RADIL: variants seen among roughly 807,000 people sequenced by gnomAD.
The protein encoded by RADIL is Rap associating with DIL domain.
A neutral mutation model predicts 97.6 loss-of-function variants in RADIL; 99 were observed. The ratio of observed to expected loss-of-function variants is 1.01; its 90% CI spans 0.86 to 1.20. RADIL has a LOEUF of 1.20. Among genes scored for constraint, RADIL ranks in the 50% most tolerant of loss-of-function variants. The probability of loss-of-function intolerance (pLI) is 0.00; values close to 1 mark genes in which losing one functional copy is unlikely to be tolerated. For synonymous variants in RADIL, 803 were observed against 691.8 expected (o/e 1.16, Z -2.52); for missense variants, 1,765 against 1,498.9 (o/e 1.18, Z -2.93).
intron 5 of RADIL, among the ~76,000 whole-genome samples, chr7:4,825,908 A>AT (rs760101468): frequency 1.8e-4 from 26 of 145,060 alleles, no homozygotes; most frequent in Admixed American, 3.5e-4. Context: ...AAAAAAAAAA[A>AT]GGGAAATGAA....
chr7:4,836,553 C>T lies in RADIL; in HGVS notation c.588G>A (p.Pro196=), dbSNP rs767893967. ...TCCGGGCATCCCCCAGGGCCGGGGTCGGGGTTCCCTTCGCGCGACTCCGCT... is the reference window on the plus strand; with the variant it reads ...TCCGGGCATCCCCCAGGGCCGGGGTTGGGGTTCCCTTCGCGCGACTCCGCT... ...RLQRSRAKGT[P]TPALGDARSS... The change falls in exon 3 of 15, where the codon CCG becomes CCA. Residue 196 remains proline, a synonymous_variant. Coordinates refer to ENST00000399583, the MANE Select transcript of RADIL (RefSeq NM_018059.5). The T allele has an allele frequency of 4.4e-6, 7 of 1,607,714 alleles. No individual in the cohort carries two copies. Among genetic ancestry groups the T allele is most frequent in the East Asian group, 4.5e-5 (2 of 44,870 alleles).
rs933146834 is a variant in RADIL, at chr7:4,873,760, G to A, written c.535+3845C>T. On this transcript the variant is annotated intron_variant, in intron 2 of 14. Transcript: ENST00000399583. The surrounding 1 kb of genome is among the most constrained non-coding windows in gnomAD (Gnocchi z 4.3). The stretch of plus-strand genomic sequence containing the variant: ...CCCATCGGTGCCCAGGGAGGCGCAG[G>A]ACAGGCGGGCTGCTGGAAGGCGCAG... 2.6e-5 allele frequency among the ~76,000 whole-genome samples: 4 copies of A among 152,220 alleles called. No homozygotes were observed. Among genetic ancestry groups the A allele is most frequent in the African/African-American group, 4.8e-5 (2 of 41,454 alleles).
rs1402811855 is a variant in RADIL at position 4,840,638 on chromosome 7, C to T, written c.536-4033G>A. Among the ~76,000 whole-genome samples, 1 of 152,200 alleles carries T rather than the reference C, an allele frequency of 6.6e-6. No homozygotes were observed. Among genetic ancestry groups the T allele is most frequent in the Non-Finnish European group, 1.5e-5 (1 of 68,038 alleles). On this transcript the variant is annotated intron_variant, in intron 2 of 14. Transcript: ENST00000399583. The surrounding 1 kb of genome is among the most constrained non-coding windows in gnomAD (Gnocchi z 5.6). Reference sequence around the variant, plus strand: ...TGCTACCAATGGGAGATTCCGCCAACATGAAATAAGTTCAGTGAGAAATAC... The same window carrying T: ...TGCTACCAATGGGAGATTCCGCCAATATGAAATAAGTTCAGTGAGAAATAC...
Position 4,797,925 on chromosome 7 carries a change from G to A in RADIL, c.*1453C>T, listed in dbSNP as rs1425455413. The A allele has an allele frequency of 6.6e-6, 1 of 151,788 alleles. No homozygotes were observed. Among genetic ancestry groups the A allele is most frequent in the Non-Finnish European group, 1.5e-5 (1 of 68,012 alleles). 9.4% of individuals were successfully genotyped at this position (151,788 alleles called of 1,614,324 possible). ...GGAGGTGGAGGTTGCAGTGAGCTGA[G>A]ATTGCACCACTGCACTCCAGCCTGG... On this transcript the variant is annotated 3_prime_UTR_variant, in exon 15 of 15. Coordinates refer to ENST00000399583, the MANE Select transcript of RADIL (RefSeq NM_018059.5).
At chr7:4,846,130 T>TC (rs1462077981) in intron 2 of RADIL, among the ~76,000 whole-genome samples, 1 of 142,274 alleles carries the variant, frequency 7.0e-6, no homozygotes, top group Non-Finnish European at 1.5e-5. Context: ...CTTCTTTTTT[T>TC]TTTTTTTTTT....
chr7:4,862,378 T>C (rs1784036353), intron 2 of RADIL, among the ~76,000 whole-genome samples: 2 of 152,224 alleles, frequency 1.3e-5, no homozygotes, highest in Admixed American at 6.5e-5. Flanking sequence ...GTCTTGTTTC[T>C]TGGGCCGTTG....
chr7:4,863,954 C>T (rs1784078890), intron 2 of RADIL, among the ~76,000 whole-genome samples: 2 of 152,128 alleles, frequency 1.3e-5, no homozygotes, highest in African/African-American at 4.8e-5. Context: ...CTTTTTCTTC[C>T]AGCCCTAGAG....
intron 5 of RADIL, among the ~76,000 whole-genome samples, chr7:4,826,804 A>C (rs77079619): frequency 0.031 from 4,669 of 152,288 alleles, 242 homozygotes; most frequent in African/African-American, 0.11. Flanking sequence ...ACGCACAGAA[A>C]ATAGTGCAAA....
chr7:4,868,508 T>G (rs1373660438), intron 2 of RADIL, among the ~76,000 whole-genome samples: 1 of 152,234 alleles, frequency 6.6e-6, no homozygotes, highest in Non-Finnish European at 1.5e-5. Context: ...CAGAGCCAGC[T>G]GTGGGTGGCA....
intron 5 of RADIL, among the ~76,000 whole-genome samples, chr7:4,828,470 A>G (rs1260107597): frequency 1.3e-5 from 2 of 152,236 alleles, no homozygotes; most frequent in Admixed American, 1.3e-4. Flanking sequence ...AAAAAAGAAA[A>G]CCTAGGAATG....
chr7:4,836,077 G>A (rs1213663539), intron 3 of RADIL, among the ~76,000 whole-genome samples: 1 of 152,238 alleles, frequency 6.6e-6, no homozygotes, highest in Non-Finnish European at 1.5e-5. Context: ...GAAGGCGTGA[G>A]GAGTTCTCCC....
At chr7:4,876,369 C>G (rs1431095368) in intron 2 of RADIL, among the ~76,000 whole-genome samples, 1 of 152,014 alleles carries the variant, frequency 6.6e-6, no homozygotes, top group Non-Finnish European at 1.5e-5. Context: ...GGCATGATCT[C>G]GGCTCACTGC....
intron 11 of RADIL, 87 bp from the exon 12 acceptor site, chr7:4,802,082 G>A: frequency 8.7e-7 from 1 of 1,153,220 alleles, no homozygotes; most frequent in Non-Finnish European, 1.2e-6. Flanking sequence ...CAGCAGAAGG[G>A]CCGCCAGGCC....
rs1348762213 is a variant in RADIL at position 4,883,317 on chromosome 7, G to A, written c.-65+279C>T. Among the ~76,000 whole-genome samples the A allele has an allele frequency of 6.6e-6, 1 of 152,104 alleles. No homozygotes were observed. Among genetic ancestry groups the A allele is most frequent in the African/African-American group, 2.4e-5 (1 of 41,438 alleles). On this transcript the variant is annotated intron_variant, in intron 1 of 14. Coordinates refer to ENST00000399583, the MANE Select transcript of RADIL (RefSeq NM_018059.5). The surrounding 1 kb of genome is among the most constrained non-coding windows in gnomAD (Gnocchi z 7.1). Reference sequence around the variant, plus strand: ...ACAGCCAGGCTCAGGAGCTCTCGGGGGTCGGCAGCGCGGACCCCCGGATCC... The same window carrying A: ...ACAGCCAGGCTCAGGAGCTCTCGGGAGTCGGCAGCGCGGACCCCCGGATCC...
Position 4,859,968 on chromosome 7 carries a change from C to T in RADIL, c.535+17637G>A, listed in dbSNP as rs375132133. 8.3e-5 allele frequency: 134 copies of T among 1,613,868 alleles called. No homozygotes were observed. In the Admixed American group the frequency reaches 1.1e-3, roughly 13 times the overall value. On this transcript the variant is annotated intron_variant, in intron 2 of 14. Coordinates refer to ENST00000399583, the MANE Select transcript of RADIL (RefSeq NM_018059.5). ...TGGCTTATGAGACATGTTGAAGAAA[C>T]AACTCTGGCGACCATGGCCTTTGGT...
Position 4,816,229 on chromosome 7 carries a change from CCT to C in RADIL, c.1963_1964del (p.Arg655GlyfsTer186), listed in dbSNP as rs762836866. On this transcript the variant is annotated frameshift_variant and splice_region_variant, in exon 8 of 15. Coordinates refer to ENST00000399583, the MANE Select transcript of RADIL (RefSeq NM_018059.5). LOFTEE classifies it high-confidence loss of function. ...CTCAACCCTGCACGAGGCCCTCACC[CCT>C]GTCGAGGAGCTGGTTGAGAAGCAGT... ...GTLLLNQLLDRGPSLSCFHWP... is the reference protein window; with the variant it reads ...GTLLLNQLLDXGPSLSCFHWP... 1.2e-5 allele frequency: 20 copies of C among 1,608,626 alleles called. No individual in the cohort carries two copies. In the East Asian group the frequency reaches 2.2e-4, roughly 18 times the overall value.
chr7:4,834,562 C>T lies in RADIL; in HGVS notation c.1416+45G>A. On this transcript the variant is annotated intron_variant, in intron 4 of 14. Transcript: ENST00000399583. This position sits in a 1 kb window ranked among gnomAD's most constrained non-coding sequence, Gnocchi z 6.0. The stretch of plus-strand genomic sequence containing the variant: ...GGGCCAGCTCCGGGCCCCCTCTTCC[C>T]CCAGACCGGCACAGGACCCAGACCG... 21 of 1,303,012 alleles carry T rather than the reference C, an allele frequency of 1.6e-5. No homozygotes were observed. Among genetic ancestry groups the T allele is most frequent in the Non-Finnish European group, 2.1e-5 (21 of 1,022,348 alleles). The allele number at this position is 1,303,012 out of a possible 1,614,324, so 80.7% of individuals were successfully genotyped here.
chr7:4,812,307 GGTT>G (rs1782568818), intron 9 of RADIL, among the ~76,000 whole-genome samples: 1 of 152,112 alleles, frequency 6.6e-6, no homozygotes, highest in Non-Finnish European at 1.5e-5. Context: ...GCAAAAAGTT[GGTT>G]ATGATCTCCT....
chr7:4,825,786 G>A (rs1295461995), intron 5 of RADIL, among the ~76,000 whole-genome samples: 2 of 145,124 alleles, frequency 1.4e-5, no homozygotes, highest in African/African-American at 5.0e-5. Flanking sequence ...TGAGGCAAAA[G>A]AATTTCTTGA....
Sources: allele counts gnomAD v4.1 joint callset (sites outside exome capture counted in the v4.1 genomes callset), GRCh38; gene constraint gnomAD v4.1.1; non-coding constraint Gnocchi (gnomAD v3.1); transcripts MANE v1.5; gene names NCBI Gene and HGNC (gene_info 2026-07-23, HGNC 2026-07-21).